The following EDIL3 variants were observed in gnomAD, a reference collection of about 807,000 sequenced individuals.
EDIL3 encodes EGF-like repeat and discoidin I-like domain-containing protein 3.
A neutral mutation model predicts 67.4 loss-of-function variants in EDIL3; 37 were observed. That is an observed-to-expected ratio of 0.55 (90% CI 0.42 to 0.72). The LOEUF (loss-of-function observed/expected upper bound fraction) is 0.72. Ranked by LOEUF, EDIL3 falls within the 30% of genes least tolerant of loss-of-function variation. The pLI, the probability that EDIL3 is intolerant of heterozygous loss-of-function variation, is 0.00. For missense variants in EDIL3, 527 were observed against 586.3 expected (o/e 0.90, Z 1.04); for synonymous variants, 195 against 196.3 (o/e 0.99, Z 0.05).
intron 2 of EDIL3, among the ~76,000 whole-genome samples, chr5:84,231,563 G>A (rs1208523907): frequency 6.6e-6 from 1 of 150,928 alleles, no homozygotes; most frequent in Non-Finnish European, 1.5e-5. Context: ...ACTCTTTTCC[G>A]TTAAGGTTAC....
chr5:84,074,052 C>A (rs965585548), intron 6 of EDIL3, among the ~76,000 whole-genome samples: 1 of 151,944 alleles, frequency 6.6e-6, no homozygotes, highest in African/African-American at 2.4e-5. Flanking sequence ...CGCATATCTA[C>A]AACTATCTGA....
chr5:84,366,798 T>C (rs575141803), intron 1 of EDIL3, among the ~76,000 whole-genome samples: 2 of 152,302 alleles, frequency 1.3e-5, no homozygotes, highest in African/African-American at 2.4e-5. Context: ...AGAAAACTCA[T>C]GCAGTATTTA....
At chr5:84,307,140 A>C (rs1746288645) in intron 1 of EDIL3, among the ~76,000 whole-genome samples, 1 of 152,218 alleles carries the variant, frequency 6.6e-6, no homozygotes, top group Admixed American at 6.5e-5. Context: ...GCACATCTGA[A>C]AATAAAAGAT....
intron 9 of EDIL3, among the ~76,000 whole-genome samples, chr5:84,014,422 G>A (rs1471260408): frequency 1.3e-5 from 2 of 152,136 alleles, no homozygotes; most frequent in African/African-American, 4.8e-5. Flanking sequence ...CAAGGCAGGC[G>A]GATTACAAAC....
intron 9 of EDIL3, among the ~76,000 whole-genome samples, chr5:84,053,810 G>T (rs946350259): frequency 6.6e-5 from 10 of 152,110 alleles, no homozygotes; most frequent in South Asian, 4.1e-4. Flanking sequence ...ATTGAGGCAA[G>T]AATTAATAGC....
At chr5:84,379,066 G>T (rs571743026) in intron 1 of EDIL3, among the ~76,000 whole-genome samples, 2 of 152,182 alleles carry the variant, frequency 1.3e-5, no homozygotes, top group East Asian at 3.9e-4. Flanking sequence ...GAAGGAGAGA[G>T]AAATTTTTAT....
At chr5:83,987,137 C>T (rs926811175) in intron 9 of EDIL3, among the ~76,000 whole-genome samples, 3 of 152,130 alleles carry the variant, frequency 2.0e-5, no homozygotes, top group Non-Finnish European at 4.4e-5. Flanking sequence ...ATTAGACTTT[C>T]CCAGGCCTTC....
At chr5:84,170,270 A>T (rs1748791022) in intron 4 of EDIL3, among the ~76,000 whole-genome samples, 1 of 152,218 alleles carries the variant, frequency 6.6e-6, no homozygotes, top group Non-Finnish European at 1.5e-5. Context: ...GTTAAGGAAG[A>T]AAGGCTGAGC....
At chr5:83,995,630 T>C (rs2112164005) in intron 9 of EDIL3, among the ~76,000 whole-genome samples, 1 of 152,312 alleles carries the variant, frequency 6.6e-6, no homozygotes, top group South Asian at 2.1e-4. Flanking sequence ...AAAAATATCA[T>C]AATCTCTCCT....
intron 1 of EDIL3, among the ~76,000 whole-genome samples, chr5:84,372,977 T>C (rs1045574542): frequency 6.6e-6 from 1 of 152,134 alleles, no homozygotes; most frequent in African/African-American, 2.4e-5. Context: ...CCAGGATACC[T>C]TGCAGCCCTC....
At chr5:84,197,826 A>T (rs956648762) in intron 3 of EDIL3, among the ~76,000 whole-genome samples, 15 of 152,058 alleles carry the variant, frequency 9.9e-5, no homozygotes, top group African/African-American at 3.4e-4. Flanking sequence ...AGGCAGATTA[A>T]GAAGTTACAC....
rs1215845924 is a variant in EDIL3 at position 84,340,532 on chromosome 5, CTCTATA to C, written c.67+43770_67+43775del. Among the ~76,000 whole-genome samples, 435 of 66,466 alleles carry C rather than the reference CTCTATA, an allele frequency of 6.5e-3. 2 individuals carry two copies. The highest frequency in any genetic ancestry group is 0.011 in the Non-Finnish European group (320 of 30,006). 43.6% of individuals were successfully genotyped at this position (66,466 alleles called of 152,430 possible). A position where few individuals can be genotyped will look rare whatever the true frequency, so the allele number is the denominator to read the frequency against. On this transcript the variant is annotated intron_variant, in intron 1 of 10. Transcript: ENST00000296591. ...TCTCTCTCTCTCTCTCTCTCTCTCTCTCTATATATATATATATATATATATATATAT... is the reference window on the plus strand; with the variant it reads ...TCTCTCTCTCTCTCTCTCTCTCTCTCTATATATATATATATATATATATAT...
intron 4 of EDIL3, 134 bp downstream of exon 4, chr5:84,180,259 A>T: frequency 1.1e-6 from 1 of 940,816 alleles, no homozygotes; most frequent in Non-Finnish European, 1.5e-6. Flanking sequence ...TCCATGGGAG[A>T]GAAGCAGCAT....
At chr5:84,348,809 G>C (rs1747292813) in intron 1 of EDIL3, among the ~76,000 whole-genome samples, 1 of 152,008 alleles carries the variant, frequency 6.6e-6, no homozygotes, top group African/African-American at 2.4e-5. Context: ...ACTATTTAAA[G>C]TACCATCAAA....
At position 84,384,614 on chromosome 5, in the gene EDIL3, G is replaced by C. The variant is rs1014705276; in HGVS notation, c.-240C>G. 6 of 325,604 alleles carry C rather than the reference G, an allele frequency of 1.8e-5. No homozygotes were observed. Among genetic ancestry groups the C allele is most frequent in the Admixed American group, 9.9e-5 (2 of 20,166 alleles). 20.2% of individuals were successfully genotyped at this position (325,604 alleles called of 1,614,324 possible). A position where few individuals can be genotyped will look rare whatever the true frequency, so the allele number is the denominator to read the frequency against. Reference sequence around the variant, plus strand: ...GGCGCGCGGAGGTGGGTGAGCTCCGGGGAGCCGCCGGCGGGCTCAGCCCTC... The same window carrying C: ...GGCGCGCGGAGGTGGGTGAGCTCCGCGGAGCCGCCGGCGGGCTCAGCCCTC... On this transcript the variant is annotated 5_prime_UTR_variant, in exon 1 of 11. Transcript: ENST00000296591.
Position 84,321,598 on chromosome 5 carries a change from C to T in EDIL3, c.67+62710G>A, listed in dbSNP as rs534457237. On this transcript the variant is annotated intron_variant, in intron 1 of 10. Coordinates refer to ENST00000296591, the MANE Select transcript of EDIL3 (RefSeq NM_005711.5). Reference sequence around the variant, plus strand: ...TCATTCTCAACCCTCATCCTTCTGACGGAAAAATGTGCAGGGATTAGAAGA... The same window carrying T: ...TCATTCTCAACCCTCATCCTTCTGATGGAAAAATGTGCAGGGATTAGAAGA... Among the ~76,000 whole-genome samples the T allele has an allele frequency of 9.2e-5, 14 of 152,200 alleles. No homozygotes were observed. The South Asian group carries it at 1.0e-3, about 11-fold the overall frequency.
chr5:84,010,973 G>T (rs1241729680), intron 9 of EDIL3, among the ~76,000 whole-genome samples: 8 of 152,166 alleles, frequency 5.3e-5, no homozygotes, highest in Admixed American at 3.3e-4. Context: ...GTCAGGGATT[G>T]TATGTAAAAT....
chr5:84,040,004 T>C (rs1746090319), intron 9 of EDIL3, among the ~76,000 whole-genome samples: 1 of 152,164 alleles, frequency 6.6e-6, no homozygotes, highest in Admixed American at 6.5e-5. Flanking sequence ...AAGCACTTTA[T>C]AAATGCTAAT....
At chr5:83,949,833 G>A (rs1744386372) in intron 10 of EDIL3, among the ~76,000 whole-genome samples, 1 of 151,866 alleles carries the variant, frequency 6.6e-6, no homozygotes, top group Admixed American at 6.6e-5. Context: ...TAATCTCTAA[G>A]CCCTTGGAAT....
Sources: gnomAD v4.1 joint callset for allele counts (sites outside exome capture counted in the v4.1 genomes callset) on GRCh38, gnomAD v4.1.1 for gene constraint, MANE v1.5 for transcripts, NCBI Gene and HGNC (gene_info 2026-07-23, HGNC 2026-07-21) for gene names.